The following AGBL1 variants were observed in gnomAD, a reference collection of about 807,000 sequenced individuals.
AGBL1 encodes the protein cytosolic carboxypeptidase 4.
A neutral mutation model predicts 118.9 loss-of-function variants in AGBL1; 130 were observed. That is an observed-to-expected ratio of 1.09 (90% CI 0.95 to 1.26). The LOEUF (loss-of-function observed/expected upper bound fraction) is 1.26, where lower values mean the gene tolerates loss of function less well. Ranked by LOEUF, AGBL1 falls within the 50% of genes most tolerant of loss-of-function variation. AGBL1 has a pLI of 0.00. For synonymous variants in AGBL1, 555 were observed against 478.9 expected, an observed-to-expected ratio of 1.16 and a Z score of -2.08; for missense variants, 1,584 against 1,298.1, an observed-to-expected ratio of 1.22 and a Z score of -3.38.
chr15:86,390,764 A>C (rs956805468), intron 17 of AGBL1, among the ~76,000 whole-genome samples: 1 of 132,068 alleles, frequency 7.6e-6, no homozygotes, highest in African/African-American at 2.9e-5. Flanking sequence ...CCGCCTATTG[A>C]GTTCTAGCGA....
chr15:86,590,835 A>G (rs777491430), intron 21 of AGBL1, among the ~76,000 whole-genome samples: 3 of 152,232 alleles, frequency 2.0e-5, no homozygotes, highest in Non-Finnish European at 2.9e-5. Flanking sequence ...TCTGACAGCC[A>G]TCTCAAAATA....
chr15:86,333,330 A>G (rs1405310754), intron 17 of AGBL1, among the ~76,000 whole-genome samples: 1 of 152,178 alleles, frequency 6.6e-6, no homozygotes. Flanking sequence ...AAATAAGCAC[A>G]CTCAGAACTA....
At chr15:86,988,755 A>C (rs995837144) in intron 24 of AGBL1, among the ~76,000 whole-genome samples, 1 of 152,160 alleles carries the variant, frequency 6.6e-6, no homozygotes, top group Non-Finnish European at 1.5e-5. Context: ...TTTTGGTCTT[A>C]TGTTTAGAAA....
chr15:86,696,031 G>A (rs1483562367), intron 22 of AGBL1, among the ~76,000 whole-genome samples: 5 of 151,888 alleles, frequency 3.3e-5, no homozygotes, highest in Non-Finnish European at 7.4e-5. Flanking sequence ...AAATTTCCAT[G>A]TGCTCATGAG....
At chr15:86,239,527 C>T (rs1245070447) in intron 6 of AGBL1, among the ~76,000 whole-genome samples, 8 of 152,014 alleles carry the variant, frequency 5.3e-5, no homozygotes, top group Admixed American at 2.6e-4. Context: ...TCAATGGTGC[C>T]GCACTCACAC....
At chr15:86,248,560 A>G (rs546413431) in intron 7 of AGBL1, among the ~76,000 whole-genome samples, 12 of 152,012 alleles carry the variant, frequency 7.9e-5, no homozygotes, top group Non-Finnish European at 1.5e-4. Context: ...AAATAACAAA[A>G]CCTAGGTTGT....
chr15:86,482,600 G>A (rs1202724322), intron 18 of AGBL1, among the ~76,000 whole-genome samples: 1 of 152,054 alleles, frequency 6.6e-6, no homozygotes, highest in African/African-American at 2.4e-5. Flanking sequence ...TTTATATTAA[G>A]AAGCAGTGTG....
chr15:86,206,065 G>A (rs1274165751), intron 5 of AGBL1, among the ~76,000 whole-genome samples: 2 of 152,066 alleles, frequency 1.3e-5, no homozygotes, highest in Admixed American at 6.6e-5. Context: ...ATATGAGTGA[G>A]AACATGCAGT....
intron 16 of AGBL1, among the ~76,000 whole-genome samples, chr15:86,284,736 C>G (rs1200809624): frequency 1.3e-5 from 2 of 152,108 alleles, no homozygotes; most frequent in African/African-American, 4.8e-5. Flanking sequence ...GTGCTTCTCA[C>G]TTTATCAGTA....
chr15:86,248,805 C>G (rs1186669240), intron 7 of AGBL1, among the ~76,000 whole-genome samples: 2 of 152,122 alleles, frequency 1.3e-5, no homozygotes, highest in Non-Finnish European at 2.9e-5. Flanking sequence ...ACTGTGAAAT[C>G]AATGAAGTAA....
At chr15:86,391,014 T>A (rs1323389224) in intron 17 of AGBL1, among the ~76,000 whole-genome samples, 1 of 134,714 alleles carries the variant, frequency 7.4e-6, no homozygotes. Context: ...AGCACTATGG[T>A]GATAAAAAAA....
At chr15:86,813,078 GA>G (rs1335853319) in intron 22 of AGBL1, among the ~76,000 whole-genome samples, 1 of 152,086 alleles carries the variant, frequency 6.6e-6, no homozygotes. Context: ...GCTGTTGGGA[GA>G]TGAAAGAAGG....
chr15:86,184,588 C>T (rs1462067275), intron 5 of AGBL1, among the ~76,000 whole-genome samples: 7 of 152,018 alleles, frequency 4.6e-5, no homozygotes, highest in African/African-American at 1.2e-4. Flanking sequence ...CCATTCTCCC[C>T]GTCACTTTCA....
At chr15:86,283,563 C>G (rs1415338658) in intron 16 of AGBL1, among the ~76,000 whole-genome samples, 1 of 152,010 alleles carries the variant, frequency 6.6e-6, no homozygotes, top group African/African-American at 2.4e-5. Flanking sequence ...TAGAATGCCA[C>G]ATGCACAATA....
intron 23 of AGBL1, among the ~76,000 whole-genome samples, chr15:86,973,071 G>C (rs2081127667): frequency 6.6e-6 from 1 of 151,938 alleles, no homozygotes; most frequent in African/African-American, 2.4e-5. Flanking sequence ...TTAAGCCTCA[G>C]TTTTGGCATT....
At chr15:86,198,316 G>A (rs1421204773) in intron 5 of AGBL1, among the ~76,000 whole-genome samples, 2 of 152,158 alleles carry the variant, frequency 1.3e-5, no homozygotes, top group African/African-American at 4.8e-5. Flanking sequence ...AGAATAGATT[G>A]TATTCTGAAT....
intron 1 of AGBL1, among the ~76,000 whole-genome samples, chr15:86,091,450 C>T (rs990122294): frequency 1.3e-5 from 2 of 152,354 alleles, no homozygotes; most frequent in African/African-American, 2.4e-5. Context: ...AAGATCAGAA[C>T]ACTCAGCAGC....
At chr15:86,260,129 G>A (rs2078959828) in intron 9 of AGBL1, among the ~76,000 whole-genome samples, 1 of 152,224 alleles carries the variant, frequency 6.6e-6, no homozygotes, top group Non-Finnish European at 1.5e-5. Context: ...TGAGAGTCAG[G>A]GCTCAAATTG....
intron 24 of AGBL1, among the ~76,000 whole-genome samples, chr15:87,011,081 G>A (rs1040897907): frequency 6.6e-6 from 1 of 152,226 alleles, no homozygotes; most frequent in Non-Finnish European, 1.5e-5. Flanking sequence ...GACCATGTCA[G>A]CAGTTCTTGC....
Sources: gnomAD v4.1 joint callset for allele counts (sites outside exome capture counted in the v4.1 genomes callset) on GRCh38, gnomAD v4.1.1 for gene constraint, MANE v1.5 for transcripts, NCBI Gene and HGNC (gene_info 2026-07-23, HGNC 2026-07-21) for gene names.